The following LRRC8C variants were observed in gnomAD, a reference collection of about 807,000 sequenced individuals.
LRRC8C encodes volume-regulated anion channel subunit LRRC8C.
A neutral mutation model predicts 55.3 loss-of-function variants in LRRC8C; 20 were observed. That is an observed-to-expected ratio of 0.36 (90% CI 0.25 to 0.53). LRRC8C has a LOEUF of 0.53. Among genes scored for constraint, LRRC8C ranks in the 20% least tolerant of loss-of-function variants. The pLI, the probability that LRRC8C is intolerant of heterozygous loss-of-function variation, is 0.92. For synonymous variants in LRRC8C, 376 were observed against 360.7 expected (o/e 1.04, Z -0.48); for missense variants, 659 against 951.4 (o/e 0.69, Z 4.04).
At chr1:89,642,344 A>T (rs979700038) in intron 1 of LRRC8C, among the ~76,000 whole-genome samples, 3 of 152,232 alleles carry the variant, frequency 2.0e-5, no homozygotes, top group African/African-American at 7.2e-5. Context: ...GTGTAGCATT[A>T]GTACCTTAAT....
chr1:89,621,989 T>A, the LRRC8C span, among the ~76,000 whole-genome samples: 1 of 152,120 alleles, frequency 6.6e-6, no homozygotes, highest in Non-Finnish European at 1.5e-5. Flanking sequence ...ATATTCACTG[T>A]AGAGAAATGA....
the LRRC8C span, among the ~76,000 whole-genome samples, chr1:89,621,718 T>C: frequency 6.6e-6 from 1 of 152,192 alleles, no homozygotes; most frequent in Non-Finnish European, 1.5e-5. Context: ...ATTAGTAACT[T>C]TTAAAATATT....
intron 1 of LRRC8C, among the ~76,000 whole-genome samples, chr1:89,658,968 C>G (rs1446891201): frequency 2.0e-5 from 3 of 150,588 alleles, no homozygotes; most frequent in Non-Finnish European, 4.4e-5. Flanking sequence ...ATATTACACT[C>G]TAAGTATGAT....
At chr1:89,709,912 C>G (rs144888076) in intron 2 of LRRC8C, among the ~76,000 whole-genome samples, 2,151 of 152,072 alleles carry the variant, frequency 0.014, 54 homozygotes, top group African/African-American at 0.049. Flanking sequence ...CCACCGCGCC[C>G]GGCTAATTTT....
intron 2 of LRRC8C, among the ~76,000 whole-genome samples, chr1:89,710,779 A>G (rs1295868823): frequency 2.6e-5 from 4 of 152,192 alleles, no homozygotes; most frequent in Admixed American, 2.6e-4. Flanking sequence ...TTTTCTGTAA[A>G]ATGTGACTTG....
At chr1:89,669,992 G>A (rs1657373113) in intron 1 of LRRC8C, among the ~76,000 whole-genome samples, 1 of 152,108 alleles carries the variant, frequency 6.6e-6, no homozygotes, top group Non-Finnish European at 1.5e-5. Flanking sequence ...TTGCAGAAAA[G>A]TGAGTGGGTG....
At chr1:89,707,804 C>A (rs1417557746) in intron 2 of LRRC8C, among the ~76,000 whole-genome samples, 1 of 152,000 alleles carries the variant, frequency 6.6e-6, no homozygotes, top group African/African-American at 2.4e-5. Flanking sequence ...CTAACCTGTC[C>A]GTGCTCTCCT....
At chr1:89,691,744 C>T (rs765429874) in intron 2 of LRRC8C, among the ~76,000 whole-genome samples, 3 of 152,140 alleles carry the variant, frequency 2.0e-5, no homozygotes, top group Non-Finnish European at 2.9e-5. Flanking sequence ...TCTGTCACCC[C>T]TGTGCACACT....
intron 1 of LRRC8C, among the ~76,000 whole-genome samples, chr1:89,642,782 G>T (rs1221755783): frequency 6.6e-6 from 1 of 152,026 alleles, no homozygotes; most frequent in African/African-American, 2.4e-5. Flanking sequence ...GGGAGGTGGA[G>T]GTTGCAGTGA....
At chr1:89,708,443 A>G (rs1483357382) in intron 2 of LRRC8C, 1 of 151,706 alleles carries the variant, frequency 6.6e-6, no homozygotes, top group Non-Finnish European at 1.5e-5. Flanking sequence ...TGGGTAAAGA[A>G]AAAGAAACGT....
chr1:89,622,652 A>G, the LRRC8C span, among the ~76,000 whole-genome samples: 36 of 152,064 alleles, frequency 2.4e-4, no homozygotes, highest in African/African-American at 8.5e-4. Flanking sequence ...AATCTTTAAC[A>G]TCATGCCTGA....
At position 89,714,942 on chromosome 1, in the gene LRRC8C, C is replaced by T. The variant is rs1313600067; in HGVS notation, c.2372C>T (p.Thr791Ile). 1 of 1,594,586 alleles carries T rather than the reference C, an allele frequency of 6.3e-7. No homozygotes were observed. Among genetic ancestry groups the T allele is most frequent in the Admixed American group, 1.8e-5 (1 of 54,620 alleles). Reference sequence around the variant, plus strand: ...GTTGTAGAAGATGCTCTGTTTGAAACTCTGCCTTCTGACGTCCGGGAGCAA... The same window carrying T: ...GTTGTAGAAGATGCTCTGTTTGAAATTCTGCCTTCTGACGTCCGGGAGCAA... Reference protein sequence around the residue: ...GLVVEDALFETLPSDVREQMK... With the variant: ...GLVVEDALFEILPSDVREQMK... The change falls in exon 3 of 3, where the codon ACT (threonine) becomes ATT (isoleucine). Residue 791 changes from threonine to isoleucine, a missense_variant. Physicochemically the swap from Thr to Ile is moderately conservative, Grantham distance 89 (BLOSUM62 -1). Coordinates refer to ENST00000370454, the MANE Select transcript of LRRC8C (RefSeq NM_032270.5). This position sits in a 1 kb window ranked among gnomAD's most constrained non-coding sequence, Gnocchi z 4.6.
At position 89,665,509 on chromosome 1, in the gene LRRC8C, C is replaced by G. The variant is rs115197644; in HGVS notation, c.-4-20961C>G. Among the ~76,000 whole-genome samples, 1,003 of 151,974 alleles carry G rather than the reference C, an allele frequency of 6.6e-3. 8 individuals are homozygous for G. Among genetic ancestry groups the G allele is most frequent in the African/African-American group, 0.023 (970 of 41,450 alleles). ...GTTTTTAGTTAAAAAATTTAAAAAG[C>G]AAAATATAATAATTTAATAGCAAAA... On this transcript the variant is annotated intron_variant, in intron 1 of 2. Coordinates refer to ENST00000370454, the MANE Select transcript of LRRC8C (RefSeq NM_032270.5).
At position 89,715,192 on chromosome 1, in the gene LRRC8C, A is replaced by G. The variant is rs1658782427; in HGVS notation, c.*210A>G. On this transcript the variant is annotated 3_prime_UTR_variant, in exon 3 of 3. Transcript: ENST00000370454. ...TTTTATTTGTCTTGAAACACAATGT[A>G]TCTATTATCTACTGACAGAAAGAGA... The G allele has an allele frequency of 8.6e-6, 3 of 347,972 alleles. No individual in the cohort carries two copies. The highest frequency in any genetic ancestry group is 1.5e-5 in the Non-Finnish European group (3 of 196,644). The allele number at this position is 347,972 out of a possible 1,614,324, so 21.6% of individuals were successfully genotyped here.
chr1:89,643,508 C>G (rs1015174914), intron 1 of LRRC8C, among the ~76,000 whole-genome samples: 5 of 152,184 alleles, frequency 3.3e-5, no homozygotes, highest in Admixed American at 6.5e-5. Flanking sequence ...CTATTTATGT[C>G]ACATTTTATA....
the LRRC8C span, chr1:89,626,940 A>T: frequency 2.0e-5 from 3 of 149,964 alleles, no homozygotes; most frequent in Non-Finnish European, 4.4e-5. Flanking sequence ...TGGGGCTGAA[A>T]ATTCCAACCC....
the LRRC8C span, among the ~76,000 whole-genome samples, chr1:89,618,447 G>A: frequency 6.6e-6 from 1 of 152,184 alleles, no homozygotes; most frequent in East Asian, 1.9e-4. Context: ...CAGCTACTCT[G>A]GGCCAGCCAT....
chr1:89,659,889 A>T (rs1199962065), intron 1 of LRRC8C, among the ~76,000 whole-genome samples: 1 of 152,118 alleles, frequency 6.6e-6, no homozygotes, highest in African/African-American at 2.4e-5. Context: ...GCCCTTACAG[A>T]ATTTACAGTG....
At chr1:89,651,523 G>A (rs142217958) in intron 1 of LRRC8C, among the ~76,000 whole-genome samples, 4,010 of 137,746 alleles carry the variant, frequency 0.029, 176 homozygotes, top group African/African-American at 0.099. Flanking sequence ...AGCTGAGATC[G>A]CGCCACTGCA....
Sources: allele counts gnomAD v4.1 joint callset (sites outside exome capture counted in the v4.1 genomes callset), GRCh38; gene constraint gnomAD v4.1.1; non-coding constraint Gnocchi (gnomAD v3.1); transcripts MANE v1.5; gene names NCBI Gene and HGNC (gene_info 2026-07-23, HGNC 2026-07-21).